The following GCN1 variants were observed in gnomAD, a reference collection of about 807,000 sequenced individuals.
GCN1 encodes the protein GCN1 activator of EIF2AK4.
GCN1 carries 90 observed loss-of-function variants against 288.4 expected under a neutral mutation model. The observed-to-expected ratio is 0.31, with a 90% confidence interval of 0.26 to 0.37. The LOEUF is 0.37. GCN1 is among the 10% of genes least tolerant of loss of function. The pLI is 1.00. For missense variants in GCN1, 2,586 were observed against 3,419.9 expected (o/e 0.76, Z 6.08); for synonymous variants, 1,386 against 1,420.2 (o/e 0.98, Z 0.54).
intron 4 of GCN1, among the ~76,000 whole-genome samples, chr12:120,183,881 G>A (rs530814660): frequency 3.9e-4 from 59 of 152,350 alleles, no homozygotes; most frequent in African/African-American, 1.3e-3. Flanking sequence ...TCTTGGCACT[G>A]ACAACTATAA....
rs1877540052 is a variant in GCN1 at position 120,151,193 on chromosome 12, C to T, written c.4261G>A (p.Ala1421Thr). ...LSLKQQEMMA[A>T]LTDAIQDKKN... ...TTATCTTGGATGGCATCAGTCAGTG[C>T]CGCCATCATCTCCTGTTGCTTCAGC... Residue 1421 changes from alanine (A) to threonine (T), a missense_variant, in exon 34 of 58, where the codon GCA (alanine) becomes ACA (threonine). By Grantham distance (58) the Ala-to-Thr change is moderately conservative. This residue lies in a region of GCN1 where 371 missense variants were observed against 572.6 expected (regional missense o/e 0.65). Coordinates refer to ENST00000300648, the MANE Select transcript of GCN1 (RefSeq NM_006836.2). The T allele has an allele frequency of 6.2e-7, 1 of 1,613,850 alleles. No homozygotes were observed. The highest frequency in any genetic ancestry group is 1.1e-5 in the South Asian group (1 of 91,082).
rs376237519 is a variant in GCN1 at position 120,137,884 on chromosome 12, G to C, written c.6393+17C>G. On this transcript the variant is annotated intron_variant, in intron 48 of 57. Transcript: ENST00000300648. The surrounding 1 kb of genome is among the most constrained non-coding windows in gnomAD (Gnocchi z 5.2). ...GCAGACGGGACATGAGAAAGCAGGA[G>C]CAGGCTCGCCCCTTACCAGCTGCTC... 1.2e-6 allele frequency: 2 copies of C among 1,613,770 alleles called. No homozygotes were observed. The highest frequency in any genetic ancestry group is 1.7e-6 in the Non-Finnish European group (2 of 1,179,670).
In GCN1 at chr12:120,136,525, T is replaced by C. The variant is rs1219531344; in HGVS notation, c.6985A>G (p.Thr2329Ala). The C allele has an allele frequency of 3.7e-6, 6 of 1,614,010 alleles. No individual in the cohort carries two copies. The highest frequency in any genetic ancestry group is 4.2e-6 in the Non-Finnish European group (5 of 1,179,868). The change falls in exon 51 of 58, where the codon ACA (threonine) becomes GCA (alanine). Residue 2329 changes from threonine (T) to alanine (A), a missense_variant. Thr to Ala is a moderately conservative substitution (Grantham distance 58, BLOSUM62 0). Transcript: ENST00000300648. ...SWNVKAALLETLSLLLAKVGI... is the reference protein window; with the variant it reads ...SWNVKAALLEALSLLLAKVGI... ...ACCTTAGCCAACAAGAGGCTGAGTG[T>C]CTCGAGCAGAGCCGCCTTCACATTC...
intron 33 of GCN1, among the ~76,000 whole-genome samples, chr12:120,151,954 T>C (rs983450672): frequency 1.3e-5 from 2 of 152,238 alleles, no homozygotes; most frequent in East Asian, 1.9e-4. Context: ...TGCTTAGGCT[T>C]TCTGACACCA....
Position 120,161,473 on chromosome 12 carries a change from T to C in GCN1, c.2436+17A>G, listed in dbSNP as rs1483366480. 6.4e-7 allele frequency: 1 copy of C among 1,566,322 alleles called. No individual in the cohort carries two copies. The highest frequency in any genetic ancestry group is 2.2e-5 in the East Asian group (1 of 44,680). Reference sequence around the variant, plus strand: ...AAGCTCAGCAGCCACCTTCCGTAAGTGCCTCCGTGTACTCACCTCCTTCAG... The same window carrying C: ...AAGCTCAGCAGCCACCTTCCGTAAGCGCCTCCGTGTACTCACCTCCTTCAG... On this transcript the variant is annotated intron_variant, in intron 22 of 57. Transcript: ENST00000300648.
chr12:120,164,584 C>T (rs762061007), intron 17 of GCN1, 62 bp downstream of exon 17: 53 of 1,596,564 alleles, frequency 3.3e-5, no homozygotes, highest in Non-Finnish European at 4.5e-5. Flanking sequence ...CACCCTTTCT[C>T]GGGTTCCTGC....
At chr12:120,129,979 G>A (rs1056133643) in intron 56 of GCN1, among the ~76,000 whole-genome samples, 13 of 152,200 alleles carry the variant, frequency 8.5e-5, no homozygotes, top group African/African-American at 3.1e-4. Context: ...TCACAGACGA[G>A]GCTCAATCGA....
At chr12:120,172,789 C>A (rs1044937559) in intron 14 of GCN1, among the ~76,000 whole-genome samples, 1 of 151,980 alleles carries the variant, frequency 6.6e-6, no homozygotes, top group Non-Finnish European at 1.5e-5. Context: ...TAGGCGTGAG[C>A]CACTGTGCCC....
chr12:120,146,247 C>A (rs950246290), intron 38 of GCN1, among the ~76,000 whole-genome samples: 18 of 129,270 alleles, frequency 1.4e-4, no homozygotes, highest in African/African-American at 5.0e-4. Flanking sequence ...AGCCTGGCAA[C>A]AGAGCAAGAC....
intron 44 of GCN1, among the ~76,000 whole-genome samples, chr12:120,141,305 A>G (rs1877186919): frequency 6.6e-6 from 1 of 152,210 alleles, no homozygotes; most frequent in South Asian, 2.1e-4. Context: ...CTGCACAGTC[A>G]AGGGCCAATT....
rs542132532 is a variant in GCN1, at chr12:120,179,463, G to A, written c.427-513C>T. On this transcript the variant is annotated intron_variant, in intron 5 of 57. Transcript: ENST00000300648. ...CGCCCAGGCTGGAGTGCAGTGGTGC[G>A]ATCTCAGCTCACTGCAAGCTCCGCC... Among the ~76,000 whole-genome samples the A allele has an allele frequency of 4.7e-5, 7 of 149,152 alleles. No homozygotes were observed. The South Asian group carries it at 6.3e-4, about 14-fold the overall frequency.
intron 1 of GCN1, 136 bp downstream of exon 1, chr12:120,194,544 A>C: frequency 1.2e-6 from 1 of 865,614 alleles, no homozygotes; most frequent in Non-Finnish European, 1.7e-6. Flanking sequence ...GTCCAGCCTG[A>C]GACGGCCCCG....
chr12:120,167,388 T>TATATACTGAGTCCA (rs1878168289), intron 16 of GCN1, among the ~76,000 whole-genome samples: 1 of 149,716 alleles, frequency 6.7e-6, no homozygotes, highest in Non-Finnish European at 1.5e-5. Flanking sequence ...ATGAAGTTCA[T>TATATACTGAGTCCA]TATATACTGA....
chr12:120,155,169 AGTAGC>A lies in GCN1; in HGVS notation c.3630+67_3630+71del. The A allele has an allele frequency of 6.5e-7, 1 of 1,541,402 alleles. No homozygotes were observed. Among genetic ancestry groups the A allele is most frequent in the Non-Finnish European group, 9.0e-7 (1 of 1,114,550 alleles). On this transcript the variant is annotated intron_variant, in intron 30 of 57. Transcript: ENST00000300648. The surrounding 1 kb of genome is among the most constrained non-coding windows in gnomAD (Gnocchi z 4.9). ...GAGCCCCGAGATTCCTGTCTGGAGCAGTAGCGGGGTGAGCAGAGACCCACCCAACC... is the reference window on the plus strand; with the variant it reads ...GAGCCCCGAGATTCCTGTCTGGAGCAGGGGTGAGCAGAGACCCACCCAACC...
intron 54 of GCN1, 35 bp from the exon 55 acceptor site, chr12:120,131,368 T>C: frequency 6.2e-7 from 1 of 1,607,876 alleles, no homozygotes; most frequent in Non-Finnish European, 8.5e-7. Flanking sequence ...TCAACCGGTA[T>C]TTTACAGCAT....
At chr12:120,178,828 C>T (rs745650093) in intron 6 of GCN1, 24 bp downstream of exon 6, 1 of 1,612,462 alleles carries the variant, frequency 6.2e-7, no homozygotes, top group Non-Finnish European at 8.5e-7. Flanking sequence ...AAGCAATGCC[C>T]ACCAGCCCCT....
intron 31 of GCN1, 82 bp downstream of exon 31, chr12:120,154,888 C>T: frequency 7.6e-7 from 1 of 1,309,326 alleles, no homozygotes; most frequent in Non-Finnish European, 1.1e-6. Context: ...TTAACCCATG[C>T]TGCCTCCTCA....
chr12:120,146,586 T>A (rs1877370529), intron 38 of GCN1, among the ~76,000 whole-genome samples: 1 of 136,588 alleles, frequency 7.3e-6, no homozygotes, highest in Non-Finnish European at 1.5e-5. Flanking sequence ...AACTTTTATA[T>A]ATTTTTTTTG....
At chr12:120,190,468 G>A (rs1283649422) in intron 1 of GCN1, 68 bp from the exon 2 acceptor site, 3 of 860,856 alleles carry the variant, frequency 3.5e-6, no homozygotes, top group African/African-American at 1.7e-5. Context: ...TGTGTTGAGG[G>A]GTGGGTGTAG....
Sources: gnomAD v4.1 joint callset for allele counts (sites outside exome capture counted in the v4.1 genomes callset) on GRCh38, gnomAD v4.1.1 for gene constraint, gnomAD v4.1.1 regional missense constraint, Gnocchi (gnomAD v3.1) non-coding constraint, MANE v1.5 for transcripts, NCBI Gene and HGNC (gene_info 2026-07-23, HGNC 2026-07-21) for gene names.